LRRC4C: variants seen among roughly 807,000 people sequenced by gnomAD.
LRRC4C encodes the protein leucine-rich repeat-containing protein 4C.
A neutral mutation model predicts 33.6 loss-of-function variants in LRRC4C; 5 were observed. That is an observed-to-expected ratio of 0.15 (90% CI 0.08 to 0.31). The LOEUF (loss-of-function observed/expected upper bound fraction) is 0.31. Among genes scored for constraint, LRRC4C ranks in the 10% least tolerant of loss-of-function variants. LRRC4C has a pLI of 1.00. For missense variants in LRRC4C, 560 were observed against 796.7 expected, an observed-to-expected ratio of 0.70 and a Z score of 3.58; for synonymous variants, 329 against 302.0, an observed-to-expected ratio of 1.09 and a Z score of -0.93.
chr11:41,395,740 A>T (rs550264359), intron 1 of LRRC4C, among the ~76,000 whole-genome samples: 6 of 152,100 alleles, frequency 3.9e-5, no homozygotes, highest in African/African-American at 1.4e-4. Flanking sequence ...TGATCCAACA[A>T]ATCAAAATGT....
At position 40,279,986 on chromosome 11, in the gene LRRC4C, A is replaced by T. The variant is rs560212915; in HGVS notation, c.-175-38388T>A. ...TCCTTGATGATTTACTCGGCCCTGAACTACTCACCCTTTCTTTCAGGTGAG... is the reference window on the plus strand; with the variant it reads ...TCCTTGATGATTTACTCGGCCCTGATCTACTCACCCTTTCTTTCAGGTGAG... On this transcript the variant is annotated intron_variant, in intron 4 of 6. Coordinates refer to ENST00000528697, the MANE Select transcript of LRRC4C (RefSeq NM_001258419.2). Among the ~76,000 whole-genome samples the T allele has an allele frequency of 9.2e-5, 14 of 152,292 alleles. No individual in the cohort carries two copies. In the South Asian group the frequency reaches 2.7e-3, roughly 29 times the overall value.
At chr11:40,865,511 G>GTATA (rs68153820) in intron 2 of LRRC4C, among the ~76,000 whole-genome samples, 18,545 of 146,872 alleles carry the variant, frequency 0.13, 1,370 homozygotes, top group African/African-American at 0.22. Flanking sequence ...TCCACAGTGT[G>GTATA]TATATATATA....
At chr11:40,967,387 T>G in intron 1 of LRRC4C, among the ~76,000 whole-genome samples, 1 of 152,078 alleles carries the variant, frequency 6.6e-6, no homozygotes, top group African/African-American at 2.4e-5. Flanking sequence ...CTTTCATTTT[T>G]GTTTACTATG....
intron 3 of LRRC4C, among the ~76,000 whole-genome samples, chr11:40,427,931 G>A (rs963756542): frequency 6.6e-6 from 1 of 152,010 alleles, no homozygotes; most frequent in African/African-American, 2.4e-5. Flanking sequence ...AACCTATAAA[G>A]TCTCTATGCT....
At chr11:41,085,870 T>C (rs1228293170) in intron 1 of LRRC4C, among the ~76,000 whole-genome samples, 2 of 150,130 alleles carry the variant, frequency 1.3e-5, no homozygotes, top group Non-Finnish European at 3.0e-5. Flanking sequence ...GAGGTTTCTG[T>C]TTCATTATGT....
chr11:40,564,013 A>AT (rs1366211712), intron 3 of LRRC4C, among the ~76,000 whole-genome samples: 16 of 152,298 alleles, frequency 1.1e-4, no homozygotes, highest in African/African-American at 3.8e-4. Context: ...ATGAAAATAG[A>AT]TTACAACCCA....
chr11:40,353,875 G>A (rs190233002), intron 3 of LRRC4C, among the ~76,000 whole-genome samples: 36 of 152,088 alleles, frequency 2.4e-4, no homozygotes, highest in Non-Finnish European at 4.9e-4. Context: ...ATTCAGTGAG[G>A]TCATGTTTTC....
chr11:41,291,284 G>A (rs1949985318), intron 1 of LRRC4C, among the ~76,000 whole-genome samples: 1 of 152,124 alleles, frequency 6.6e-6, no homozygotes, highest in African/African-American at 2.4e-5. Flanking sequence ...ATAGATTGCT[G>A]TTTTATATGG....
chr11:40,255,814 A>C (rs1867160989), intron 4 of LRRC4C, among the ~76,000 whole-genome samples: 2 of 152,226 alleles, frequency 1.3e-5, no homozygotes, highest in Non-Finnish European at 2.9e-5. Flanking sequence ...CATTTGTATA[A>C]AGGCCATTTG....
chr11:40,448,274 T>G (rs1951729313), intron 3 of LRRC4C, among the ~76,000 whole-genome samples: 1 of 152,098 alleles, frequency 6.6e-6, no homozygotes. Flanking sequence ...TATTATGCAT[T>G]AAGTTCTGGG....
intron 1 of LRRC4C, among the ~76,000 whole-genome samples, chr11:41,441,569 G>T (rs1359229701): frequency 6.8e-6 from 1 of 146,096 alleles, no homozygotes; most frequent in African/African-American, 2.6e-5. Context: ...TCTTCATTCA[G>T]AGACTTAAGC....
chr11:40,252,250 A>G (rs61911076), intron 4 of LRRC4C, among the ~76,000 whole-genome samples: 6,966 of 152,018 alleles, frequency 0.046, 217 homozygotes, highest in Non-Finnish European at 0.072. Context: ...ACTCACACAC[A>G]CCACGAATAC....
intron 1 of LRRC4C, chr11:41,394,574 T>A (rs1033142748): frequency 6.6e-6 from 1 of 151,922 alleles, no homozygotes; most frequent in Non-Finnish European, 1.5e-5. Context: ...GATGATTTGA[T>A]CCTTGTGGTA....
At chr11:40,835,406 T>C (rs561665636) in intron 2 of LRRC4C, among the ~76,000 whole-genome samples, 1 of 152,324 alleles carries the variant, frequency 6.6e-6, no homozygotes, top group African/African-American at 2.4e-5. Context: ...TAGAGACTGA[T>C]GCTAAGTTCA....
intron 1 of LRRC4C, among the ~76,000 whole-genome samples, chr11:41,439,420 T>A (rs7945740): frequency 0.048 from 7,244 of 152,242 alleles, 235 homozygotes; most frequent in East Asian, 0.13. Context: ...CAAATGGTAG[T>A]TCTATTTTTA....
chr11:40,547,562 T>C (rs1220737567), intron 3 of LRRC4C, among the ~76,000 whole-genome samples: 1 of 152,062 alleles, frequency 6.6e-6, no homozygotes, highest in Non-Finnish European at 1.5e-5. Flanking sequence ...TAAATGAATA[T>C]TTCCAATATT....
Position 40,535,205 on chromosome 11 carries a change from CAAAA to C in LRRC4C, c.-270+112933_-270+112936del, listed in dbSNP as rs1956421843. Among the ~76,000 whole-genome samples the C allele has an allele frequency of 3.9e-5, 6 of 152,040 alleles. No homozygotes were observed. In the South Asian group the frequency reaches 1.2e-3, roughly 32 times the overall value. On this transcript the variant is annotated intron_variant, in intron 3 of 6. Coordinates refer to ENST00000528697, the MANE Select transcript of LRRC4C (RefSeq NM_001258419.2). Reference sequence around the variant, plus strand: ...AATTTTCTTAATGTAAAGAAAGAAACAAAAAGAAGCAACAGACTTCGAAAATAGG... The same window carrying C: ...AATTTTCTTAATGTAAAGAAAGAAACAGAAGCAACAGACTTCGAAAATAGG...
At position 40,807,996 on chromosome 11, in the gene LRRC4C, T is replaced by A. The variant is rs866418856; in HGVS notation, c.-407+125639A>T. 3.9e-5 allele frequency among the ~76,000 whole-genome samples: 6 copies of A among 152,178 alleles called. No individual in the cohort carries two copies. In the South Asian group the frequency reaches 1.0e-3, roughly 26 times the overall value. On this transcript the variant is annotated intron_variant, in intron 2 of 6. Transcript: ENST00000528697. ...GGATCTGAACCCTCTTTCTGCTAAT[T>A]ACCAGTTTTTTTATCATGAGCAAGT...
At chr11:41,060,141 T>C (rs750790278) in intron 1 of LRRC4C, among the ~76,000 whole-genome samples, 10 of 152,212 alleles carry the variant, frequency 6.6e-5, no homozygotes, top group Non-Finnish European at 1.3e-4. Flanking sequence ...GAAGCTAGCA[T>C]GTCGCTCTGT....
Sources: gnomAD v4.1 joint callset for allele counts (sites outside exome capture counted in the v4.1 genomes callset) on GRCh38, gnomAD v4.1.1 for gene constraint, MANE v1.5 for transcripts, NCBI Gene and HGNC (gene_info 2026-07-23, HGNC 2026-07-21) for gene names.